The following UTRN variants were observed in gnomAD, a reference collection of about 807,000 sequenced individuals.
The protein encoded by UTRN is utrophin.
Under a neutral mutation model 463.9 loss-of-function variants are expected in UTRN, and 283 were observed. The observed-to-expected ratio is 0.61, with a 90% CI of 0.55 to 0.67. UTRN has a LOEUF of 0.67. Among genes scored for constraint, UTRN ranks in the 30% least tolerant of loss-of-function variants. The probability of loss-of-function intolerance (pLI) is 0.00; values close to 1 mark genes in which losing one functional copy is unlikely to be tolerated. For synonymous variants in UTRN, 1,442 were observed against 1,431.5 expected (o/e 1.01, Z -0.17); for missense variants, 3,922 against 4,084.3 (o/e 0.96, Z 1.08).
At chr6:144,780,102 TA>T (rs1357880771) in intron 60 of UTRN, among the ~76,000 whole-genome samples, 1 of 152,216 alleles carries the variant, frequency 6.6e-6, no homozygotes, top group African/African-American at 2.4e-5. Flanking sequence ...TACATGTCTT[TA>T]AAAATTCAAA....
At chr6:144,720,100 C>T (rs1786953168) in intron 53 of UTRN, among the ~76,000 whole-genome samples, 1 of 152,170 alleles carries the variant, frequency 6.6e-6, no homozygotes, top group Non-Finnish European at 1.5e-5. Context: ...CTCTTAGACC[C>T]TGTTTTCTTA....
At chr6:144,380,020 AT>A (rs1370542468) in intron 2 of UTRN, among the ~76,000 whole-genome samples, 1 of 152,222 alleles carries the variant, frequency 6.6e-6, no homozygotes, top group African/African-American at 2.4e-5. Context: ...TTTGACTTTC[AT>A]TTTTAAGAAT....
chr6:144,690,323 G>C (rs1030230930), intron 52 of UTRN, among the ~76,000 whole-genome samples: 2 of 151,558 alleles, frequency 1.3e-5, no homozygotes, highest in Non-Finnish European at 2.9e-5. Flanking sequence ...AATGAGGGGG[G>C]TGTAGCCAGC....
intron 45 of UTRN, among the ~76,000 whole-genome samples, chr6:144,542,318 C>G (rs1798046463): frequency 6.6e-6 from 1 of 152,092 alleles, no homozygotes; most frequent in African/African-American, 2.4e-5. Flanking sequence ...TTTGGGCAGT[C>G]TTTAGCCTCT....
At chr6:144,440,650 A>G (rs1279065143) in intron 13 of UTRN, among the ~76,000 whole-genome samples, 179 bp downstream of exon 13, 1 of 152,200 alleles carries the variant, frequency 6.6e-6, no homozygotes, top group Non-Finnish European at 1.5e-5. Context: ...GTACCCAGGT[A>G]TTGATTCCTT....
At chr6:144,583,600 G>A (rs1802186247) in intron 51 of UTRN, 1 of 694,086 alleles carries the variant, frequency 1.4e-6, no homozygotes, top group Non-Finnish European at 2.7e-6. Flanking sequence ...AGCTCTGTAA[G>A]GTAACTGAGT....
chr6:144,708,355 G>A (rs545092373), intron 53 of UTRN: 32 of 658,798 alleles, frequency 4.9e-5, no homozygotes, highest in Admixed American at 1.5e-4. Flanking sequence ...AAACTGAATC[G>A]ATAAAAAAGA....
At chr6:144,638,020 C>T (rs573935890) in intron 51 of UTRN, among the ~76,000 whole-genome samples, 4 of 152,276 alleles carry the variant, frequency 2.6e-5, no homozygotes, top group South Asian at 2.1e-4. Context: ...TTAGACACTA[C>T]GCTGTATTTG....
chr6:144,391,311 A>G (rs1187607734), intron 2 of UTRN, among the ~76,000 whole-genome samples: 1 of 152,110 alleles, frequency 6.6e-6, no homozygotes, highest in Non-Finnish European at 1.5e-5. Flanking sequence ...AGCTCAAGAG[A>G]TCCTTCCTGG....
At chr6:144,622,322 G>A (rs1585619366) in intron 51 of UTRN, among the ~76,000 whole-genome samples, 1 of 151,358 alleles carries the variant, frequency 6.6e-6, no homozygotes, top group Non-Finnish European at 1.5e-5. Context: ...AAGTAGCTGG[G>A]ATTACAGGCA....
At chr6:144,593,921 A>G (rs1301551186) in intron 51 of UTRN, among the ~76,000 whole-genome samples, 2 of 152,222 alleles carry the variant, frequency 1.3e-5, no homozygotes, top group East Asian at 3.8e-4. Flanking sequence ...AAGGAATTCT[A>G]AAAAAGAAAT....
chr6:144,408,790 G>A (rs1330866418), intron 3 of UTRN, among the ~76,000 whole-genome samples: 1 of 152,176 alleles, frequency 6.6e-6, no homozygotes, highest in East Asian at 1.9e-4. Flanking sequence ...TAAAATAAGG[G>A]TGGGAAAAGA....
intron 61 of UTRN, among the ~76,000 whole-genome samples, chr6:144,784,849 G>GA (rs1205490171): frequency 6.6e-6 from 1 of 151,988 alleles, no homozygotes; most frequent in Admixed American, 6.6e-5. Context: ...CATTTTAAAG[G>GA]AAAAAAATCT....
intron 51 of UTRN, among the ~76,000 whole-genome samples, chr6:144,677,116 C>T (rs1185647546): frequency 1.3e-5 from 2 of 151,762 alleles, no homozygotes; most frequent in African/African-American, 4.8e-5. Context: ...TAAAAAATTT[C>T]AATTTAAGTT....
At chr6:144,678,680 C>G in intron 52 of UTRN, 102 bp downstream of exon 52, 1 of 1,057,394 alleles carries the variant, frequency 9.5e-7, no homozygotes, top group South Asian at 2.0e-5. Flanking sequence ...ACCACCACTT[C>G]TATTTCATCA....
At chr6:144,545,497 C>T (rs1432800673) in intron 46 of UTRN, among the ~76,000 whole-genome samples, 2 of 152,188 alleles carry the variant, frequency 1.3e-5, no homozygotes, top group Non-Finnish European at 2.9e-5. Flanking sequence ...TTCAAACATG[C>T]CAAGAACGTA....
At chr6:144,294,294 A>C (rs1804499232) in intron 2 of UTRN, among the ~76,000 whole-genome samples, 1 of 152,180 alleles carries the variant, frequency 6.6e-6, no homozygotes, top group South Asian at 2.1e-4. Flanking sequence ...CCAGTAGATA[A>C]ATTTGGATTT....
intron 51 of UTRN, among the ~76,000 whole-genome samples, chr6:144,670,092 C>T (rs1181111504): frequency 1.3e-5 from 2 of 151,900 alleles, no homozygotes; most frequent in Non-Finnish European, 2.9e-5. Context: ...ATAAACATTC[C>T]TGTGTACATG....
At chr6:144,339,004 A>G (rs1776938228) in intron 2 of UTRN, among the ~76,000 whole-genome samples, 1 of 152,158 alleles carries the variant, frequency 6.6e-6, no homozygotes, top group Non-Finnish European at 1.5e-5. Context: ...TGATTAGGGG[A>G]AATTGCCCTG....
Sources: allele counts gnomAD v4.1 joint callset (sites outside exome capture counted in the v4.1 genomes callset), GRCh38; gene constraint gnomAD v4.1.1; transcripts MANE v1.5; gene names NCBI Gene and HGNC (gene_info 2026-07-23, HGNC 2026-07-21).